NRG1: variants seen among roughly 807,000 people sequenced by gnomAD.
NRG1 encodes pro-neuregulin-1, membrane-bound isoform.
Under a neutral mutation model 63.8 loss-of-function variants are expected in NRG1, and 18 were observed. The ratio of observed to expected loss-of-function variants is 0.28; its 90% CI spans 0.19 to 0.42. The LOEUF (loss-of-function observed/expected upper bound fraction) is 0.42, where lower values mean the gene tolerates loss of function less well. Ranked by LOEUF, NRG1 falls within the 10% of genes least tolerant of loss-of-function variation. The pLI, the probability that NRG1 is intolerant of heterozygous loss-of-function variation, is 1.00. For missense variants in NRG1, 762 were observed against 814.7 expected, an observed-to-expected ratio of 0.94 and a Z score of 0.79; for synonymous variants, 302 against 301.3, an observed-to-expected ratio of 1.00 and a Z score of -0.02.
intron 1 of NRG1, among the ~76,000 whole-genome samples, chr8:32,575,014 C>G (rs1162498273): frequency 1.3e-5 from 2 of 152,138 alleles, no homozygotes; most frequent in Non-Finnish European, 2.9e-5. Flanking sequence ...GACTCAGGAA[C>G]AGAAGTAAAC....
At chr8:32,132,196 T>C (rs1364258183) in intron 1 of NRG1, among the ~76,000 whole-genome samples, 3 of 152,076 alleles carry the variant, frequency 2.0e-5, no homozygotes, top group Admixed American at 6.6e-5. Context: ...GCCTCTTTCA[T>C]GTGTGTTGTC....
At chr8:32,671,404 C>A (rs1186926281) in intron 5 of NRG1, among the ~76,000 whole-genome samples, 3 of 152,034 alleles carry the variant, frequency 2.0e-5, no homozygotes, top group Non-Finnish European at 4.4e-5. Flanking sequence ...CATCAGAGAG[C>A]CTTCATAACA....
intron 5 of NRG1, among the ~76,000 whole-genome samples, chr8:32,698,722 C>T (rs1233458766): frequency 1.3e-5 from 2 of 152,142 alleles, no homozygotes; most frequent in Non-Finnish European, 2.9e-5. Flanking sequence ...TATGGCTTAC[C>T]CTCTTCTTCC....
At chr8:32,094,703 C>T (rs1229195132) in intron 1 of NRG1, among the ~76,000 whole-genome samples, 1 of 151,764 alleles carries the variant, frequency 6.6e-6, no homozygotes, top group Non-Finnish European at 1.5e-5. Context: ...TGTTTGTCTC[C>T]CACCCTATCC....
chr8:32,196,914 T>G (rs999547638), intron 1 of NRG1, among the ~76,000 whole-genome samples: 55 of 149,012 alleles, frequency 3.7e-4, no homozygotes, highest in Non-Finnish European at 6.2e-4. Context: ...CTAAAGCTGG[T>G]TTTCTACCAG....
rs557358782 is a variant in NRG1, at chr8:32,614,581, T to C, written c.451+17T>C. On this transcript the variant is annotated intron_variant, in intron 4 of 11. Transcript: ENST00000356819. The stretch of plus-strand genomic sequence containing the variant: ...TGTCTTCAGGTAAGGAAAATAAGCC[T>C]GGCAAATTTTACTAACCAGAATGAC... The C allele has an allele frequency of 3.7e-6, 6 of 1,610,174 alleles. No homozygotes were observed. In the African/African-American group the frequency reaches 6.7e-5, roughly 18 times the overall value.
At chr8:32,756,585 CT>C in intron 9 of NRG1, 56 bp downstream of exon 9, 1 of 1,525,022 alleles carries the variant, frequency 6.6e-7, no homozygotes, top group Admixed American at 2.2e-5. Context: ...GTTCAGACGC[CT>C]TGAAGTTTAT....
At chr8:31,879,391 C>T (rs1830173571) in intron 1 of NRG1, among the ~76,000 whole-genome samples, 1 of 152,164 alleles carries the variant, frequency 6.6e-6, no homozygotes, top group Non-Finnish European at 1.5e-5. Context: ...ATGTGCATTT[C>T]TCTGATGAGC....
At position 31,849,629 on chromosome 8, in the gene NRG1, G is replaced by C. The variant is rs184578918; in HGVS notation, c.37+210198G>C. On this transcript the variant is annotated intron_variant, in intron 1 of 10. Coordinates refer to the NRG1 transcript ENST00000519301. The stretch of plus-strand genomic sequence containing the variant: ...CACCCTTAAAGGGACAAATAGCATT[G>C]CATTATCCTTGAAAGGGTCTTCTGC... Among the ~76,000 whole-genome samples the C allele has an allele frequency of 1.8e-4, 27 of 152,264 alleles. No homozygotes were observed. The East Asian group carries it at 4.4e-3, about 25-fold the overall frequency.
At chr8:31,984,209 G>T (rs1586258102) in intron 1 of NRG1, among the ~76,000 whole-genome samples, 1 of 152,068 alleles carries the variant, frequency 6.6e-6, no homozygotes, top group East Asian at 1.9e-4. Flanking sequence ...AGGAAATTCT[G>T]AAAGATACAA....
At chr8:32,118,619 G>A (rs1833050513) in intron 1 of NRG1, among the ~76,000 whole-genome samples, 1 of 152,138 alleles carries the variant, frequency 6.6e-6, no homozygotes, top group African/African-American at 2.4e-5. Flanking sequence ...GCGAGGAACT[G>A]TTACAGGTAT....
In NRG1 at chr8:31,796,071, A is replaced by G. The variant is rs115805381; in HGVS notation, c.37+156640A>G. 6.0e-3 allele frequency among the ~76,000 whole-genome samples: 907 copies of G among 152,356 alleles called. 14 individuals are homozygous for G. Among genetic ancestry groups the G allele is most frequent in the African/African-American group, 0.02 (818 of 41,584 alleles). On this transcript the variant is annotated intron_variant, in intron 1 of 10. Coordinates refer to the NRG1 transcript ENST00000519301. The stretch of plus-strand genomic sequence containing the variant: ...AAACCAACAAGTAATCTTTGCAAAA[A>G]AAATTTTGAATAAGAAAAATATTGT...
intron 1 of NRG1, among the ~76,000 whole-genome samples, chr8:32,154,313 G>C (rs1837825819): frequency 6.6e-6 from 1 of 151,568 alleles, no homozygotes; most frequent in Non-Finnish European, 1.5e-5. Context: ...AGAGAGTAAT[G>C]TGCTAGTAGT....
chr8:32,436,066 C>T (rs535956368), intron 1 of NRG1, among the ~76,000 whole-genome samples: 2 of 152,084 alleles, frequency 1.3e-5, no homozygotes, highest in Admixed American at 6.6e-5. Context: ...ATACCTGAGA[C>T]TGGGTAATTT....
chr8:31,739,225 T>C (rs1586052521), intron 1 of NRG1, among the ~76,000 whole-genome samples: 2 of 152,054 alleles, frequency 1.3e-5, no homozygotes, highest in African/African-American at 4.8e-5. Flanking sequence ...TCATGGCTGG[T>C]CTTCACGCGG....
At chr8:31,698,159 G>C (rs1810277112) in intron 1 of NRG1, among the ~76,000 whole-genome samples, 1 of 152,076 alleles carries the variant, frequency 6.6e-6, no homozygotes, top group African/African-American at 2.4e-5. Context: ...TACTGTCATA[G>C]AAAGGTATAA....
intron 1 of NRG1, among the ~76,000 whole-genome samples, chr8:32,363,211 G>A (rs1807466098): frequency 6.6e-6 from 1 of 152,168 alleles, no homozygotes; most frequent in African/African-American, 2.4e-5. Context: ...AACTGAGATG[G>A]TTATTCACCT....
chr8:32,503,671 AT>A (rs554951708), intron 1 of NRG1, among the ~76,000 whole-genome samples: 1 of 152,166 alleles, frequency 6.6e-6, no homozygotes, highest in South Asian at 2.1e-4. Context: ...TAAAGAAATA[AT>A]ATTAAACTGG....
chr8:32,665,146 T>A (rs1358459444), intron 5 of NRG1, among the ~76,000 whole-genome samples: 1 of 152,172 alleles, frequency 6.6e-6, no homozygotes, highest in East Asian at 1.9e-4. Flanking sequence ...TAATAGGCAC[T>A]GGTAATTTAT....
Sources: gnomAD v4.1 joint callset for allele counts (sites outside exome capture counted in the v4.1 genomes callset) on GRCh38, gnomAD v4.1.1 for gene constraint, MANE v1.5 for transcripts, NCBI Gene and HGNC (gene_info 2026-07-23, HGNC 2026-07-21) for gene names.